Variants in ZKSCAN5 observed in about 807,000 individuals in gnomAD.
ZKSCAN5 encodes the protein zinc finger with KRAB and SCAN domains 5.
Under a neutral mutation model 60.0 loss-of-function variants are expected in ZKSCAN5, and 28 were observed. The ratio of observed to expected loss-of-function variants is 0.47; its 90% CI spans 0.35 to 0.64. The LOEUF is 0.64. Among genes scored for constraint, ZKSCAN5 ranks in the 30% least tolerant of loss-of-function variants. The pLI, the probability that ZKSCAN5 is intolerant of heterozygous loss-of-function variation, is 0.01. For missense variants in ZKSCAN5, 881 were observed against 1,034.6 expected (o/e 0.85, Z 2.04); for synonymous variants, 361 against 371.2 (o/e 0.97, Z 0.31).
intron 3 of ZKSCAN5, among the ~76,000 whole-genome samples, chr7:99,519,321 AG>A (rs1355536583): frequency 7.1e-6 from 1 of 140,112 alleles, no homozygotes; most frequent in Non-Finnish European, 1.5e-5. Flanking sequence ...TCTGTTGCCC[AG>A]GCTGGAGTGC....
chr7:99,512,320 T>A (rs1801070982), intron 2 of ZKSCAN5, 133 bp from the exon 3 acceptor site: 1 of 1,076,074 alleles, frequency 9.3e-7, no homozygotes, highest in Non-Finnish European at 1.3e-6. Context: ...AACTGCATAA[T>A]CAGTGCGTGG....
chr7:99,526,454 G>T, intron 6 of ZKSCAN5, 36 bp downstream of exon 6: 1 of 1,568,950 alleles, frequency 6.4e-7, no homozygotes, highest in South Asian at 1.2e-5. Flanking sequence ...GGGATAAATG[G>T]AGGCGAAAAG....
intron 5 of ZKSCAN5, among the ~76,000 whole-genome samples, chr7:99,520,873 G>A (rs1318292962): frequency 3.3e-5 from 5 of 152,058 alleles, no homozygotes; most frequent in African/African-American, 7.2e-5. Flanking sequence ...GGTGGCGGGC[G>A]CCTATAATCC....
intron 3 of ZKSCAN5, among the ~76,000 whole-genome samples, chr7:99,517,889 A>G (rs1418119364): frequency 2.6e-5 from 4 of 152,046 alleles, no homozygotes; most frequent in African/African-American, 9.7e-5. Flanking sequence ...GTTGGGGCAC[A>G]TTCAAAGCCA....
At chr7:99,513,693 T>C in intron 3 of ZKSCAN5, 1 of 264,638 alleles carries the variant, frequency 3.8e-6, no homozygotes, top group Non-Finnish European at 8.0e-6. Flanking sequence ...GCGCTCAGCC[T>C]CCCTCATAGA....
intron 1 of ZKSCAN5, 23 bp from the exon 2 acceptor site, chr7:99,505,982 G>C: frequency 2.6e-6 from 4 of 1,560,562 alleles, no homozygotes; most frequent in Non-Finnish European, 3.5e-6. Context: ...AGATATTAAA[G>C]AGCAGAAAAA....
Position 99,531,385 on chromosome 7 carries a change from C to T in ZKSCAN5, c.1656C>T (p.Asn552=), listed in dbSNP as rs767027058. 2.0e-5 allele frequency: 32 copies of T among 1,614,012 alleles called. No individual in the cohort carries two copies. The highest frequency in any genetic ancestry group is 2.7e-5 in the African/African-American group (2 of 74,906). Reference sequence around the variant, plus strand: ...CTGGAGAGAGACCACATAAATGTAACGAGTGTGGGAAAAGCTTCATTCAGA... The same window carrying T: ...CTGGAGAGAGACCACATAAATGTAATGAGTGTGGGAAAAGCTTCATTCAGA... ...SSTGERPHKC[N]ECGKSFIQSA... The change falls in exon 7 of 7, where the codon AAC becomes AAT. Residue 552 remains asparagine (N), a synonymous_variant. Transcript: ENST00000326775.
intron 6 of ZKSCAN5, among the ~76,000 whole-genome samples, chr7:99,527,809 T>G (rs1801859254): frequency 6.6e-6 from 1 of 152,106 alleles, no homozygotes; most frequent in South Asian, 2.1e-4. Context: ...CTCAGCCTCC[T>G]GAGTAGCTGA....
chr7:99,528,398 C>G (rs1298711621), intron 6 of ZKSCAN5, among the ~76,000 whole-genome samples: 2 of 152,140 alleles, frequency 1.3e-5, no homozygotes, highest in Non-Finnish European at 2.9e-5. Flanking sequence ...TGAATACTCA[C>G]TTGCCTTCCA....
intron 3 of ZKSCAN5, among the ~76,000 whole-genome samples, chr7:99,519,078 C>T (rs1340544286): frequency 6.7e-6 from 1 of 150,070 alleles, no homozygotes; most frequent in Non-Finnish European, 1.5e-5. Context: ...CAGGTTCAAG[C>T]AATTCTCCTG....
rs144436388 is a variant in ZKSCAN5, at chr7:99,508,966, C to T, written c.414+2508C>T. Among the ~76,000 whole-genome samples the T allele has an allele frequency of 1.5e-4, 22 of 151,534 alleles. No individual in the cohort carries two copies. The South Asian group carries it at 4.0e-3, about 27-fold the overall frequency. On this transcript the variant is annotated intron_variant, in intron 2 of 6. Transcript: ENST00000326775. ...TGGGATTACAGGCATGTGCCACTAC[C>T]GCCTGGCTAATTTTTTTAGTTTTTT...
At chr7:99,525,366 G>T (rs1172465186) in intron 5 of ZKSCAN5, among the ~76,000 whole-genome samples, 1 of 151,874 alleles carries the variant, frequency 6.6e-6, no homozygotes, top group Non-Finnish European at 1.5e-5. Flanking sequence ...TAGCTACTTG[G>T]GAGGCTGAGG....
Position 99,526,193 on chromosome 7 carries a change from C to CA in ZKSCAN5, c.1154dup (p.Arg386AlafsTer49). On this transcript the variant is annotated frameshift_variant, in exon 6 of 7. Coordinates refer to ENST00000326775, the MANE Select transcript of ZKSCAN5 (RefSeq NM_145102.4). LOFTEE classifies it high-confidence loss of function. ...CGGAGAATGTGGGAAGAGCTACAATCAGCGGGTGCACCTCACCCAGCACCA... is the reference window on the plus strand; with the variant it reads ...CGGAGAATGTGGGAAGAGCTACAATCAAGCGGGTGCACCTCACCCAGCACCA... 1 of 1,614,218 alleles carries CA rather than the reference C, an allele frequency of 6.2e-7. No individual in the cohort carries two copies. Among genetic ancestry groups the CA allele is most frequent in the Non-Finnish European group, 8.5e-7 (1 of 1,180,036 alleles).
At chr7:99,521,200 A>G (rs1384581380) in intron 5 of ZKSCAN5, among the ~76,000 whole-genome samples, 1 of 152,058 alleles carries the variant, frequency 6.6e-6, no homozygotes, top group Non-Finnish European at 1.5e-5. Flanking sequence ...TATTTATTTT[A>G]TTATTTTATT....
intron 3 of ZKSCAN5, among the ~76,000 whole-genome samples, chr7:99,518,314 G>A (rs995642961): frequency 7.2e-5 from 11 of 151,778 alleles, no homozygotes; most frequent in Non-Finnish European, 2.9e-5. Context: ...CTAGCTACTC[G>A]GGAGGCTGAG....
In ZKSCAN5 at chr7:99,531,112, T is replaced by C; in HGVS notation, c.1383T>C (p.Ser461=). The C allele has an allele frequency of 6.4e-7, 1 of 1,569,794 alleles. No individual in the cohort carries two copies. Among genetic ancestry groups the C allele is most frequent in the Non-Finnish European group, 8.6e-7 (1 of 1,163,926 alleles). The change falls in exon 7 of 7, where the codon AGT becomes AGC. Residue 461 remains serine (S), a synonymous_variant. Coordinates refer to ENST00000326775, the MANE Select transcript of ZKSCAN5 (RefSeq NM_145102.4). ...CTTGCTCTTTATTTTTTTTAGGCAG[T>C]GACAAAAGAAGTAAGAACACAAAAT... ...RHFREKSQRC[S]DKRSKNTKLS...
chr7:99,507,775 A>G (rs1461988578), intron 2 of ZKSCAN5, among the ~76,000 whole-genome samples: 1 of 151,694 alleles, frequency 6.6e-6, no homozygotes, highest in African/African-American at 2.4e-5. Context: ...GTGTGGTGGC[A>G]TGCACTTATA....
Position 99,519,891 on chromosome 7 carries a change from T to A in ZKSCAN5, c.618T>A (p.Leu206=). 6.2e-7 allele frequency: 1 copy of A among 1,614,154 alleles called. No individual in the cohort carries two copies. The highest frequency in any genetic ancestry group is 8.5e-7 in the Non-Finnish European group (1 of 1,180,040). ...LKDSQELTAS[L]LSTGSQKLVK... is the part of the protein sequence containing the mutation. ...ACAGCCAGGAGCTGACAGCTTCACT[T>A]CTCTCAACTGGGTCCCAGGTGAGCT... The change falls in exon 4 of 7, where the codon CTT becomes CTA. Residue 206 remains leucine (L), a synonymous_variant. Transcript: ENST00000326775.
intron 5 of ZKSCAN5, 29 bp from the exon 6 acceptor site, chr7:99,525,784 A>T: frequency 6.4e-7 from 1 of 1,568,772 alleles, no homozygotes. Context: ...GGAAAAGCTC[A>T]TTTTTTAATT....
Sources: gnomAD v4.1 joint callset for allele counts (sites outside exome capture counted in the v4.1 genomes callset) on GRCh38, gnomAD v4.1.1 for gene constraint, MANE v1.5 for transcripts, NCBI Gene and HGNC (gene_info 2026-07-23, HGNC 2026-07-21) for gene names.